Variants in TM4SF20 observed in about 807,000 individuals in gnomAD.
The protein encoded by TM4SF20 is transmembrane 4 L6 family member 20.
TM4SF20 carries 13 observed loss-of-function variants against 15.1 expected under a neutral mutation model. That is an observed-to-expected ratio of 0.86 (90% confidence interval 0.56 to 1.36). The LOEUF is 1.36. Among genes scored for constraint, TM4SF20 ranks in the 40% most tolerant of loss-of-function variants. TM4SF20 has a pLI of 0.00. For missense variants in TM4SF20, 282 were observed against 268.4 expected, an observed-to-expected ratio of 1.05 and a Z score of -0.35; for synonymous variants, 92 against 96.6, an observed-to-expected ratio of 0.95 and a Z score of 0.28.
At position 227,363,907 on chromosome 2, in the gene TM4SF20, G is replaced by A. The variant is rs768034769; in HGVS notation, c.507C>T (p.Gly169=). 1 of 1,614,188 alleles carries A rather than the reference G, an allele frequency of 6.2e-7. No homozygotes were observed. Among genetic ancestry groups the A allele is most frequent in the Non-Finnish European group, 8.5e-7 (1 of 1,180,028 alleles). Reference sequence around the variant, plus strand: ...CGAAGTGGAAACTAGATGCTCTCCAGCCACTCGCCATGGTGTCGTTACTGG... The same window carrying A: ...CGAAGTGGAAACTAGATGCTCTCCAACCACTCGCCATGGTGTCGTTACTGG... ...KPTSNDTMAS[G]WRASSFHFDS... Residue 169 remains glycine (G), a synonymous_variant, in exon 4 of 4, where the codon GGC becomes GGT. Coordinates refer to ENST00000304568, the MANE Select transcript of TM4SF20 (RefSeq NM_024795.4).
Position 227,377,936 on chromosome 2 carries a change from T to C in TM4SF20, c.183+1150A>G, listed in dbSNP as rs2106496848. The stretch of plus-strand genomic sequence containing the variant: ...GTACAACCAGCCCCCAAGATACACG[T>C]TTACCTATGTAACAAACCTGCACAT... On this transcript the variant is annotated intron_variant, in intron 1 of 3. Transcript: ENST00000304568. 1.3e-5 allele frequency among the ~76,000 whole-genome samples: 2 copies of C among 152,042 alleles called. 1 individual carries two copies. The highest frequency in any genetic ancestry group is 6.8e-3 in the Middle Eastern group (2 of 294).
Position 227,372,940 on chromosome 2 carries a change from C to T in TM4SF20, c.184-1960G>A, listed in dbSNP as rs557972824. ...TTTGCCATGTTGCCCAGGCTGGTCT[C>T]GAACTCCTGGGCTCAAGTGATCGCC... is the stretch of plus-strand genomic sequence containing the variant. On this transcript the variant is annotated intron_variant, in intron 1 of 3. Transcript: ENST00000304568. Among the ~76,000 whole-genome samples, 7 of 152,188 alleles carry T rather than the reference C, an allele frequency of 4.6e-5. No homozygotes were observed. In the South Asian group the frequency reaches 6.2e-4, roughly 14 times the overall value.
chr2:227,372,861 C>T (rs780677873), intron 1 of TM4SF20, among the ~76,000 whole-genome samples: 7 of 152,072 alleles, frequency 4.6e-5, no homozygotes, highest in African/African-American at 1.7e-4. Flanking sequence ...CATGCCATCA[C>T]GCCCTGTTAG....
At chr2:227,366,716 C>CAAAAAAAAAAAAAAAAA (rs59401554) in intron 2 of TM4SF20, among the ~76,000 whole-genome samples, 2 of 68,190 alleles carry the variant, frequency 2.9e-5, no homozygotes, top group Non-Finnish European at 5.5e-5. Flanking sequence ...AAGACTCTGT[C>CAAAAAAAAAAAAAAAAA]AAAAAAAAAA....
At chr2:227,367,173 C>G (rs1261176124) in intron 2 of TM4SF20, among the ~76,000 whole-genome samples, 1 of 152,178 alleles carries the variant, frequency 6.6e-6, no homozygotes, top group East Asian at 1.9e-4. Flanking sequence ...CCACCTCCAG[C>G]CCGGTTCTGA....
At chr2:227,364,120 C>T (rs2106487261) in intron 3 of TM4SF20, 108 bp from the exon 4 acceptor site, 4 of 1,158,642 alleles carry the variant, frequency 3.5e-6, no homozygotes, top group South Asian at 3.2e-5. Flanking sequence ...TTTGAAATAT[C>T]GTGCCCAGAA....
intron 1 of TM4SF20, among the ~76,000 whole-genome samples, chr2:227,374,782 A>G (rs181308329): frequency 3.3e-5 from 5 of 152,214 alleles, no homozygotes; most frequent in Admixed American, 2.6e-4. Flanking sequence ...GTCATAGCTC[A>G]TTACAAATAT....
intron 2 of TM4SF20, among the ~76,000 whole-genome samples, chr2:227,370,356 A>G (rs2076414449): frequency 6.6e-6 from 1 of 151,682 alleles, no homozygotes; most frequent in Admixed American, 6.6e-5. Context: ...AGATTGAGGA[A>G]AGGACAATCC....
chr2:227,366,638 A>T (rs1172399175), intron 2 of TM4SF20, among the ~76,000 whole-genome samples: 2 of 142,210 alleles, frequency 1.4e-5, no homozygotes, highest in Non-Finnish European at 1.5e-5. Context: ...CTAAGGCAGG[A>T]GAATCGCTTG....
chr2:227,381,172 G>A (rs1304675856), upstream of TM4SF20, among the ~76,000 whole-genome samples: 1 of 152,020 alleles, frequency 6.6e-6, no homozygotes, highest in Non-Finnish European at 1.5e-5. Flanking sequence ...AGCTACTCAG[G>A]AGACTGAGGC....
intron 1 of TM4SF20, among the ~76,000 whole-genome samples, chr2:227,377,093 C>T (rs936348017): frequency 2.6e-5 from 4 of 151,892 alleles, no homozygotes; most frequent in Admixed American, 1.3e-4. Context: ...TATGTGTCAT[C>T]GCCACCTCCG....
intron 1 of TM4SF20, 51 bp downstream of exon 1, chr2:227,379,035 G>A (rs756614155): frequency 6.4e-7 from 1 of 1,556,230 alleles, no homozygotes; most frequent in African/African-American, 1.4e-5. Context: ...TTAGGATTTT[G>A]GTGAAATAGG....
At chr2:227,374,833 G>A (rs2106494765) in intron 1 of TM4SF20, among the ~76,000 whole-genome samples, 1 of 151,396 alleles carries the variant, frequency 6.6e-6, no homozygotes, top group Non-Finnish European at 1.5e-5. Context: ...GCTCATGCCT[G>A]TAATTCTGGC....
At position 227,363,521 on chromosome 2, in the gene TM4SF20, A is replaced by C; in HGVS notation, c.*203T>G. ...TCTACACACAGTGAAGAGGTAAAAA[A>C]TTTGAATAGTACAACACAAAACTAA... On this transcript the variant is annotated 3_prime_UTR_variant, in exon 4 of 4. Coordinates refer to ENST00000304568, the MANE Select transcript of TM4SF20 (RefSeq NM_024795.4). 1.9e-6 allele frequency: 1 copy of C among 531,144 alleles called. No homozygotes were observed. The highest frequency in any genetic ancestry group is 2.7e-5 in the South Asian group (1 of 36,686). 32.9% of individuals were successfully genotyped at this position (531,144 alleles called of 1,614,324 possible).
upstream of TM4SF20, among the ~76,000 whole-genome samples, chr2:227,380,373 CCAT>C (rs1223053739): frequency 8.5e-5 from 13 of 152,142 alleles, no homozygotes; most frequent in African/African-American, 3.1e-4. Flanking sequence ...TGCTGACTGA[CCAT>C]CCTGATCTAA....
intron 1 of TM4SF20, among the ~76,000 whole-genome samples, chr2:227,377,150 G>T (rs183255038): frequency 4.7e-4 from 72 of 152,232 alleles, no homozygotes; most frequent in Admixed American, 1.8e-3. Context: ...GGGATTTGTG[G>T]CAGAGCCAAT....
chr2:227,379,221 C>A lies in TM4SF20; in HGVS notation c.48G>T (p.Leu16=), dbSNP rs764543895. 3 of 1,614,100 alleles carry A rather than the reference C, an allele frequency of 1.9e-6. No individual in the cohort carries two copies. Among genetic ancestry groups the A allele is most frequent in the Non-Finnish European group, 2.5e-6 (3 of 1,180,046 alleles). The change falls in exon 1 of 4, where the codon CTG becomes CTT. Residue 16 remains leucine (L), a synonymous_variant. Coordinates refer to ENST00000304568, the MANE Select transcript of TM4SF20 (RefSeq NM_024795.4). ...GAACTACTCCTAACAGCAGTAGAAC[C>A]AGCAGGCTGAATCCATTGCAGGATG... The part of the protein sequence containing the change: ...GWTSCNGFSL[L]VLLLLGVVLN...
rs1164991572 is a variant in TM4SF20 at position 227,366,744 on chromosome 2, AAAAAAAAAAAAAG to A, written c.250-513_250-501del. Among the ~76,000 whole-genome samples, 102 of 77,264 alleles carry A rather than the reference AAAAAAAAAAAAAG, an allele frequency of 1.3e-3. 5 individuals carry two copies. The highest frequency in any genetic ancestry group is 6.2e-3 in the African/African-American group (96 of 15,420). The allele number at this position is 77,264 out of a possible 152,430, so 50.7% of individuals were successfully genotyped here. A position where few individuals can be genotyped will look rare whatever the true frequency, so the allele number is the denominator to read the frequency against. ...AAAAAAAAAAAAAAAAAAAAAAAAA[AAAAAAAAAAAAAG>A]ATGGTTTGGCTTGTCACTGTCTCTG... On this transcript the variant is annotated intron_variant, in intron 2 of 3. Transcript: ENST00000304568.
At chr2:227,381,128 T>A (rs1293584956), upstream of TM4SF20, among the ~76,000 whole-genome samples, 1 of 151,914 alleles carries the variant, frequency 6.6e-6, no homozygotes, top group South Asian at 2.1e-4. Context: ...TACAAAAAAA[T>A]TAGCTGGGTG....
Sources: gnomAD v4.1 joint callset for allele counts (sites outside exome capture counted in the v4.1 genomes callset) on GRCh38, gnomAD v4.1.1 for gene constraint, MANE v1.5 for transcripts, NCBI Gene and HGNC (gene_info 2026-07-23, HGNC 2026-07-21) for gene names.